The following ASTN2 variants were observed in gnomAD, a reference collection of about 807,000 sequenced individuals.
ASTN2 encodes the protein astrotactin 2, also known as astrotactin-2.
Under a neutral mutation model 139.8 loss-of-function variants are expected in ASTN2, and 54 were observed. The observed-to-expected ratio is 0.39, with a 90% CI of 0.31 to 0.48. The LOEUF is 0.48. Ranked by LOEUF, ASTN2 falls within the 20% of genes least tolerant of loss-of-function variation. ASTN2 has a pLI of 0.95. For synonymous variants in ASTN2, 756 were observed against 719.5 expected (o/e 1.05, Z -0.81); for missense variants, 1,565 against 1,725.1 (o/e 0.91, Z 1.64).
Position 117,303,254 on chromosome 9 carries a change from G to T in ASTN2, c.443-11741C>A, listed in dbSNP as rs575007481. Among the ~76,000 whole-genome samples, 4 of 152,244 alleles carry T rather than the reference G, an allele frequency of 2.6e-5. No individual in the cohort carries two copies. The East Asian group carries it at 7.7e-4, about 29-fold the overall frequency. On this transcript the variant is annotated intron_variant, in intron 1 of 22. Coordinates refer to ENST00000313400, the MANE Select transcript of ASTN2 (RefSeq NM_001365068.1). ...CTCAGCAATTTTTGCAACAGCAGGA[G>T]CCTGACAAATATTGACTGATACAAG... is the stretch of plus-strand genomic sequence containing the variant.
At chr9:117,225,210 ACATCTGTCTGGCAGTCCTC>A (rs1832663269) in intron 2 of ASTN2, among the ~76,000 whole-genome samples, 1 of 152,072 alleles carries the variant, frequency 6.6e-6, no homozygotes, top group Admixed American at 6.5e-5. Flanking sequence ...AAATACACCT[ACATCTGTCTGGCAGTCCTC>A]CATCTGTCTG....
Position 116,666,535 on chromosome 9 carries a change from T to C in ASTN2, c.2807-14742A>G, listed in dbSNP as rs530152535. Among the ~76,000 whole-genome samples, 19 of 152,316 alleles carry C rather than the reference T, an allele frequency of 1.2e-4. 1 individual carries two copies. The highest frequency in any genetic ancestry group is 7.8e-4 in the Admixed American group (12 of 15,302). ...CCAAACTTAGAATTATGATAGACTG[T>C]CCGCTAGATCTTGTCATTAATAAAG... On this transcript the variant is annotated intron_variant, in intron 16 of 22. Transcript: ENST00000313400.
intron 19 of ASTN2, among the ~76,000 whole-genome samples, chr9:116,488,634 A>C (rs1193709791): frequency 1.3e-5 from 2 of 152,230 alleles, no homozygotes; most frequent in Admixed American, 6.5e-5. Flanking sequence ...AAGGATATTT[A>C]TGACATAATG....
At chr9:117,140,131 T>G (rs370654871) in intron 4 of ASTN2, among the ~76,000 whole-genome samples, 118 of 152,282 alleles carry the variant, frequency 7.7e-4, no homozygotes, top group Middle Eastern at 3.4e-3. Flanking sequence ...CATATATCAT[T>G]TAAGCTGTTT....
At chr9:117,173,392 T>C (rs1830840106) in intron 3 of ASTN2, among the ~76,000 whole-genome samples, 1 of 152,154 alleles carries the variant, frequency 6.6e-6, no homozygotes, top group Non-Finnish European at 1.5e-5. Context: ...TAACAGGTAG[T>C]ATCTAATGGT....
chr9:116,465,119 C>T (rs1001429722), intron 20 of ASTN2, among the ~76,000 whole-genome samples: 3 of 152,188 alleles, frequency 2.0e-5, no homozygotes, highest in Non-Finnish European at 2.9e-5. Flanking sequence ...TGGCAGAGCA[C>T]AAGTTTAAAA....
At chr9:116,534,997 A>T (rs577140441) in intron 19 of ASTN2, among the ~76,000 whole-genome samples, 2 of 152,278 alleles carry the variant, frequency 1.3e-5, no homozygotes, top group African/African-American at 4.8e-5. Flanking sequence ...TGGGAGCCTA[A>T]GTCTCTTTGT....
At chr9:117,210,415 A>G (rs1376159814) in intron 3 of ASTN2, among the ~76,000 whole-genome samples, 1 of 152,138 alleles carries the variant, frequency 6.6e-6, no homozygotes, top group Non-Finnish European at 1.5e-5. Flanking sequence ...ACAAAGTCAA[A>G]GGCTATTATG....
At chr9:117,357,437 G>A (rs1223641946) in intron 1 of ASTN2, among the ~76,000 whole-genome samples, 1 of 151,976 alleles carries the variant, frequency 6.6e-6, no homozygotes, top group Admixed American at 6.6e-5. Flanking sequence ...GAACTAATGA[G>A]GATTCACAGA....
At chr9:117,395,617 G>A (rs564050625) in intron 1 of ASTN2, among the ~76,000 whole-genome samples, 5 of 152,252 alleles carry the variant, frequency 3.3e-5, no homozygotes, top group African/African-American at 9.6e-5. Context: ...CTCCCTTGAC[G>A]TCAGGAAATG....
At chr9:116,634,529 G>T (rs1275721217) in intron 17 of ASTN2, among the ~76,000 whole-genome samples, 1 of 146,928 alleles carries the variant, frequency 6.8e-6, no homozygotes, top group Non-Finnish European at 1.5e-5. Context: ...GGCGGAGCTT[G>T]CAGTGAGCCG....
At chr9:117,375,857 G>A (rs1830108511) in intron 1 of ASTN2, among the ~76,000 whole-genome samples, 1 of 152,074 alleles carries the variant, frequency 6.6e-6, no homozygotes, top group Admixed American at 6.6e-5. Flanking sequence ...CTTGGGGATA[G>A]CCCCTTTCCT....
At chr9:116,781,524 G>T (rs7021519) in intron 13 of ASTN2, among the ~76,000 whole-genome samples, 1 of 151,976 alleles carries the variant, frequency 6.6e-6, no homozygotes, top group Non-Finnish European at 1.5e-5. Flanking sequence ...AATTTGTGTC[G>T]GTCCACAAGC....
At chr9:116,857,736 C>T (rs1334310975) in intron 11 of ASTN2, among the ~76,000 whole-genome samples, 3 of 152,140 alleles carry the variant, frequency 2.0e-5, no homozygotes, top group Admixed American at 6.5e-5. Context: ...TTGTCTGTCT[C>T]CATGCAATGG....
At chr9:116,651,893 T>C (rs1182360094) in intron 16 of ASTN2, 100 bp from the exon 17 acceptor site, 3 of 1,403,860 alleles carry the variant, frequency 2.1e-6, no homozygotes, top group South Asian at 2.8e-5. Context: ...GAAGCTGGTA[T>C]CCATTGAGGA....
At chr9:117,196,717 T>G (rs565924518) in intron 3 of ASTN2, among the ~76,000 whole-genome samples, 1 of 152,280 alleles carries the variant, frequency 6.6e-6, no homozygotes, top group African/African-American at 2.4e-5. Context: ...AGGACTGATA[T>G]TTTACAAAGG....
At chr9:117,007,518 C>T (rs965665260) in intron 7 of ASTN2, among the ~76,000 whole-genome samples, 1 of 152,096 alleles carries the variant, frequency 6.6e-6, no homozygotes, top group African/African-American at 2.4e-5. Flanking sequence ...TAGTGGCTAC[C>T]ATATTCCACA....
chr9:117,367,169 G>T (rs1450447769), intron 1 of ASTN2, among the ~76,000 whole-genome samples: 3 of 152,126 alleles, frequency 2.0e-5, no homozygotes, highest in Non-Finnish European at 2.9e-5. Flanking sequence ...CATTTTGTGT[G>T]CTGTTTTGTG....
chr9:117,291,188 G>C, intron 2 of ASTN2, 138 bp downstream of exon 2: 1 of 1,115,006 alleles, frequency 9.0e-7, no homozygotes. Flanking sequence ...GAATCCATCT[G>C]ATTTTCTGTT....
Sources: gnomAD v4.1 joint callset for allele counts (sites outside exome capture counted in the v4.1 genomes callset) on GRCh38, gnomAD v4.1.1 for gene constraint, MANE v1.5 for transcripts, NCBI Gene and HGNC (gene_info 2026-07-23, HGNC 2026-07-21) for gene names.